RARB: variants seen among roughly 807,000 people sequenced by gnomAD.
RARB encodes the protein retinoic acid receptor beta, also known as HBV-activated protein.
Under a neutral mutation model 51.9 loss-of-function variants are expected in RARB, and 17 were observed. That is an observed-to-expected ratio of 0.33 (90% CI 0.22 to 0.49). The LOEUF (loss-of-function observed/expected upper bound fraction) is 0.49. RARB is among the 20% of genes least tolerant of loss of function. The probability of loss-of-function intolerance (pLI) is 0.99; values close to 1 mark genes in which losing one functional copy is unlikely to be tolerated. For missense variants in RARB, 369 were observed against 550.8 expected (o/e 0.67, Z 3.30); for synonymous variants, 215 against 195.4 (o/e 1.10, Z -0.84).
At chr3:25,509,818 G>GCCCTTC (rs914095751) in intron 3 of RARB, among the ~76,000 whole-genome samples, 5 of 152,074 alleles carry the variant, frequency 3.3e-5, no homozygotes, top group African/African-American at 1.2e-4. Flanking sequence ...AGACAAAGTT[G>GCCCTTC]CCCTTCCCCT....
intron 3 of RARB, among the ~76,000 whole-genome samples, chr3:25,122,358 G>A (rs975046516): frequency 9.2e-5 from 14 of 151,682 alleles, no homozygotes; most frequent in African/African-American, 3.4e-4. Flanking sequence ...TAGATCATCA[G>A]GACATACTAA....
chr3:25,277,895 A>G (rs1703432277), intron 5 of RARB, among the ~76,000 whole-genome samples: 1 of 152,200 alleles, frequency 6.6e-6, no homozygotes, highest in Non-Finnish European at 1.5e-5. Flanking sequence ...CTACTCTCCC[A>G]TAAACATGAC....
chr3:25,581,880 C>T (rs1005561638), intron 5 of RARB, among the ~76,000 whole-genome samples: 2 of 152,118 alleles, frequency 1.3e-5, no homozygotes, highest in African/African-American at 4.8e-5. Flanking sequence ...CTTCCAGCCT[C>T]TAGACCTAGG....
chr3:25,454,880 T>G (rs150954076), intron 1 of RARB, among the ~76,000 whole-genome samples: 44 of 152,364 alleles, frequency 2.9e-4, no homozygotes, highest in Non-Finnish European at 5.0e-4. Flanking sequence ...GTTAAATTCG[T>G]AAGTGCCAAG....
chr3:25,112,145 G>A (rs1330061775), intron 3 of RARB, among the ~76,000 whole-genome samples: 1 of 152,054 alleles, frequency 6.6e-6, no homozygotes, highest in African/African-American at 2.4e-5. Context: ...AGAATTATTG[G>A]GACATTGAGT....
At chr3:25,355,355 C>G (rs753379600) in intron 5 of RARB, among the ~76,000 whole-genome samples, 4 of 152,022 alleles carry the variant, frequency 2.6e-5, no homozygotes, top group Non-Finnish European at 5.9e-5. Flanking sequence ...GCAGGGTTTT[C>G]CTTGGCTGAT....
At chr3:24,860,789 T>A (rs1176589575) in intron 2 of RARB, among the ~76,000 whole-genome samples, 2 of 152,156 alleles carry the variant, frequency 1.3e-5, no homozygotes, top group Non-Finnish European at 2.9e-5. Flanking sequence ...TGTGTGACAT[T>A]AGGTACAGAG....
chr3:24,977,065 G>A (rs558159562), intron 2 of RARB, among the ~76,000 whole-genome samples: 5 of 152,202 alleles, frequency 3.3e-5, no homozygotes, highest in African/African-American at 1.2e-4. Flanking sequence ...AAGATCAGAT[G>A]GTTGTAGATG....
At chr3:25,350,428 G>A (rs181997181) in intron 5 of RARB, among the ~76,000 whole-genome samples, 3 of 152,324 alleles carry the variant, frequency 2.0e-5, no homozygotes, top group Admixed American at 2.0e-4. Flanking sequence ...CTTTAGTTGA[G>A]AGGGAATTGT....
At chr3:25,527,495 T>G (rs557394105) in intron 3 of RARB, among the ~76,000 whole-genome samples, 1 of 152,212 alleles carries the variant, frequency 6.6e-6, no homozygotes, top group African/African-American at 2.4e-5. Context: ...ATTAGTCAGC[T>G]GTGGGTTCAA....
At chr3:25,528,286 C>A (rs1698741852) in intron 3 of RARB, among the ~76,000 whole-genome samples, 1 of 152,192 alleles carries the variant, frequency 6.6e-6, no homozygotes, top group Non-Finnish European at 1.5e-5. Flanking sequence ...CTGTTCAGGA[C>A]AGCAAGAGAC....
intron 5 of RARB, among the ~76,000 whole-genome samples, chr3:25,294,349 A>G (rs561398963): frequency 6.6e-6 from 1 of 152,342 alleles, no homozygotes; most frequent in East Asian, 1.9e-4. Context: ...GCATGGCCTT[A>G]GGCAAGTCCT....
intron 2 of RARB, among the ~76,000 whole-genome samples, chr3:24,959,908 C>T (rs966244001): frequency 2.0e-5 from 3 of 152,190 alleles, no homozygotes; most frequent in African/African-American, 7.2e-5. Flanking sequence ...CATTTTAAGA[C>T]ATAGTTGTTC....
chr3:25,122,482 G>C (rs1045812556), intron 3 of RARB, among the ~76,000 whole-genome samples: 1 of 152,224 alleles, frequency 6.6e-6, no homozygotes, highest in Admixed American at 6.5e-5. Context: ...AGTTTGGGAA[G>C]CTCTGCTCTG....
intron 3 of RARB, among the ~76,000 whole-genome samples, chr3:25,107,390 A>AATCTATGT (rs1235743404): frequency 6.6e-6 from 1 of 152,204 alleles, no homozygotes; most frequent in East Asian, 1.9e-4. Flanking sequence ...TTCATTAATA[A>AATCTATGT]ATCTATGTAA....
chr3:25,428,154 T>C (rs1708051796), upstream of RARB: 3 of 1,050,016 alleles, frequency 2.9e-6, no homozygotes, highest in African/African-American at 1.6e-5. Flanking sequence ...GTGAGAATCC[T>C]GGGAGTTGGT....
chr3:24,833,978 G>A (rs1702312424), intron 1 of RARB, among the ~76,000 whole-genome samples: 1 of 152,280 alleles, frequency 6.6e-6, no homozygotes, highest in Middle Eastern at 3.4e-3. Context: ...CATGATAGAT[G>A]TGTGTGACTA....
At chr3:25,111,083 C>A (rs1699592943) in intron 3 of RARB, among the ~76,000 whole-genome samples, 1 of 152,110 alleles carries the variant, frequency 6.6e-6, no homozygotes, top group Non-Finnish European at 1.5e-5. Flanking sequence ...ATTTTCTTAC[C>A]ACTTAAATAC....
At chr3:25,093,636 C>G (rs982320874) in intron 3 of RARB, among the ~76,000 whole-genome samples, 6 of 152,124 alleles carry the variant, frequency 3.9e-5, no homozygotes, top group Non-Finnish European at 8.8e-5. Context: ...GCAACTTCCT[C>G]AGTTACTCCT....
Sources: allele counts gnomAD v4.1 joint callset (sites outside exome capture counted in the v4.1 genomes callset), GRCh38; gene constraint gnomAD v4.1.1; transcripts MANE v1.5; gene names NCBI Gene and HGNC (gene_info 2026-07-23, HGNC 2026-07-21).